FREM1: variants seen among roughly 807,000 people sequenced by gnomAD.
FREM1 encodes FRAS1 related extracellular matrix 1.
In FREM1, 220 loss-of-function variants were observed where a neutral mutation model predicts 210.1. That is an observed-to-expected ratio of 1.05 (90% CI 0.94 to 1.17). The LOEUF (loss-of-function observed/expected upper bound fraction) is 1.17, where lower values mean the gene tolerates loss of function less well. Ranked by LOEUF, FREM1 falls within the 50% of genes most tolerant of loss-of-function variation. The probability of loss-of-function intolerance (pLI) is 0.00; values close to 1 mark genes in which losing one functional copy is unlikely to be tolerated. For synonymous variants in FREM1, 1,189 were observed against 980.2 expected (o/e 1.21, Z -3.98); for missense variants, 3,454 against 2,675.5 (o/e 1.29, Z -6.42).
At chr9:14,788,876 T>G (rs1191356359) in intron 23 of FREM1, 43 bp downstream of exon 23, 3 of 1,509,354 alleles carry the variant, frequency 2.0e-6, no homozygotes, top group Non-Finnish European at 1.8e-6. Context: ...TTATACCAGT[T>G]AGCAAAGTTG....
At chr9:14,776,494 T>C (rs187887032) in intron 24 of FREM1, among the ~76,000 whole-genome samples, 2 of 152,346 alleles carry the variant, frequency 1.3e-5, no homozygotes, top group African/African-American at 4.8e-5. Context: ...CATCAGTGCT[T>C]AATGTGGTTC....
intron 27 of FREM1, among the ~76,000 whole-genome samples, chr9:14,764,400 A>C (rs1846032408): frequency 6.6e-6 from 1 of 152,200 alleles, no homozygotes; most frequent in Non-Finnish European, 1.5e-5. Flanking sequence ...AAAAATTGCT[A>C]GGCTAGATGA....
intron 20 of FREM1, among the ~76,000 whole-genome samples, chr9:14,799,177 T>C (rs1853044009): frequency 6.6e-6 from 1 of 151,784 alleles, no homozygotes; most frequent in South Asian, 2.1e-4. Context: ...TCCCAGCTAG[T>C]TGGGAGGCTG....
chr9:14,886,340 C>G (rs1448323486), intron 1 of FREM1, among the ~76,000 whole-genome samples: 1 of 120,366 alleles, frequency 8.3e-6, no homozygotes, highest in Non-Finnish European at 1.6e-5. Context: ...AAGCCGAGAT[C>G]GTGCCACTGC....
Position 14,759,502 on chromosome 9 carries a change from C to G in FREM1, c.5334+270G>C, listed in dbSNP as rs190836586. Among the ~76,000 whole-genome samples, 87 of 7,660 alleles carry G rather than the reference C, an allele frequency of 0.011. 1 individual carries two copies. The East Asian group carries it at 0.27, about 24-fold the overall frequency. The allele number at this position is 7,660 out of a possible 152,430, so 5.0% of individuals were successfully genotyped here. ...TCCAGCCTGGGCGACAAGAGCGAGA[C>G]TTTGTCTCAAAATAACAATAATAAT... On this transcript the variant is annotated intron_variant, in intron 28 of 36. Transcript: ENST00000380880.
Position 14,851,444 on chromosome 9 carries a change from A to G in FREM1, c.992T>C (p.Leu331Ser), listed in dbSNP as rs1388510701. 6.2e-7 allele frequency: 1 copy of G among 1,613,848 alleles called. No individual in the cohort carries two copies. Among genetic ancestry groups the G allele is most frequent in the Admixed American group, 1.7e-5 (1 of 60,004 alleles). The change falls in exon 6 of 37, where the codon TTG (leucine) becomes TCG (serine). Residue 331 changes from leucine (L) to serine (S), a missense_variant. Coordinates refer to ENST00000380880, the MANE Select transcript of FREM1 (RefSeq NM_001379081.2). Reference sequence around the variant, plus strand: ...GGCTTTAGTAATGTTGAACACCAGCAAGGGTTTAGGGGTCTCATCTTCTTC... The same window carrying G: ...GGCTTTAGTAATGTTGAACACCAGCGAGGGTTTAGGGGTCTCATCTTCTTC... ...DCEEDETPKP[L>S]LVFNITKAPL...
In FREM1 at chr9:14,750,137, G is replaced by C. The variant is rs768076810; in HGVS notation, c.5547C>G (p.Asp1849Glu). Residue 1849 changes from aspartate (D) to glutamate (E), a missense_variant, in exon 30 of 37, where the codon GAC (aspartate) becomes GAG (glutamate). By Grantham distance (45) the Asp-to-Glu change is conservative (BLOSUM62 2). Coordinates refer to ENST00000380880, the MANE Select transcript of FREM1 (RefSeq NM_001379081.2). ...TKTKAAVKIL[D>E]SKGGQCHPSY... ...GGATCAAAAGAATACCTCCTTTTGA[G>C]TCCAAAATTTTCACTGCAGCTTTTG... is the stretch of plus-strand genomic sequence containing the variant. 1 of 1,613,620 alleles carries C rather than the reference G, an allele frequency of 6.2e-7. No individual in the cohort carries two copies. Among genetic ancestry groups the C allele is most frequent in the African/African-American group, 1.3e-5 (1 of 74,914 alleles).
rs1356648779 is a variant in FREM1, at chr9:14,861,258, T to TAC, written c.330-1776_330-1775dup. Among the ~76,000 whole-genome samples the TAC allele has an allele frequency of 9.6e-5, 6 of 62,688 alleles. 2 individuals carry two copies. Among genetic ancestry groups the TAC allele is most frequent in the African/African-American group, 6.6e-4 (5 of 7,622 alleles). The allele number at this position is 62,688 out of a possible 152,430, so 41.1% of individuals were successfully genotyped here. A position where few individuals can be genotyped will look rare whatever the true frequency, so the allele number is the denominator to read the frequency against. On this transcript the variant is annotated intron_variant, in intron 3 of 36. Transcript: ENST00000380880. ...ATATATACACACATATATACATATA[T>TAC]ACACATATACACATATATACATATA...
At position 14,842,320 on chromosome 9, in the gene FREM1, C is replaced by T. The variant is rs1486697790; in HGVS notation, c.1734G>A (p.Leu578=). 1 of 1,552,228 alleles carries T rather than the reference C, an allele frequency of 6.4e-7. No individual in the cohort carries two copies. Among genetic ancestry groups the T allele is most frequent in the East Asian group, 2.3e-5 (1 of 44,358 alleles). The change falls in exon 9 of 37, where the codon CTG becomes CTA. Residue 578 remains leucine (L), a synonymous_variant. Transcript: ENST00000380880. The stretch of plus-strand genomic sequence containing the variant: ...TCTTAACTGCCCAGAACTTACCTAT[C>T]AGTCCTGGCCCTGGCTTCTTCATGA... ...GEIMKKPGPG[L]IGYPVHGFLQ...
intron 20 of FREM1, among the ~76,000 whole-genome samples, chr9:14,798,997 G>C (rs550804023): frequency 2.6e-5 from 4 of 151,912 alleles, no homozygotes; most frequent in African/African-American, 7.2e-5. Flanking sequence ...AGTAAGAAGA[G>C]GCCAGTTATG....
At chr9:14,860,864 C>CAT (rs769075680) in intron 3 of FREM1, among the ~76,000 whole-genome samples, 1 of 49,854 alleles carries the variant, frequency 2.0e-5, no homozygotes, top group African/African-American at 1.9e-4. Flanking sequence ...TATATATACA[C>CAT]ATATATATAC....
At position 14,819,275 on chromosome 9, in the gene FREM1, C is replaced by T. The variant is rs1168441847; in HGVS notation, c.2505G>A (p.Gly835=). ...GGAGATCGCCCCAAGAAAATGTGCC[C>T]CCTGAATTTAGAGGAAATCCATTCA... ...VELNGFPLNS[G]GTFSWGDLHT... Residue 835 remains glycine, a synonymous_variant, in exon 14 of 37, where the codon GGG becomes GGA. Transcript: ENST00000380880. 6.2e-7 allele frequency: 1 copy of T among 1,613,640 alleles called. No individual in the cohort carries two copies. Among genetic ancestry groups the T allele is most frequent in the African/African-American group, 1.3e-5 (1 of 75,036 alleles).
chr9:14,745,087 G>A (rs1842178846), intron 35 of FREM1, among the ~76,000 whole-genome samples: 1 of 152,042 alleles, frequency 6.6e-6, no homozygotes, highest in Non-Finnish European at 1.5e-5. Context: ...CACATAGAGG[G>A]GAACAACGCA....
At chr9:14,791,620 T>C (rs1403049955) in intron 22 of FREM1, among the ~76,000 whole-genome samples, 2 of 152,204 alleles carry the variant, frequency 1.3e-5, no homozygotes, top group African/African-American at 4.8e-5. Context: ...ATGAAGACAC[T>C]GAACTTTCGT....
Position 14,746,469 on chromosome 9 carries a change from C to G in FREM1, c.6139-1G>C. ...CTGGACAGGATTTGTCTTCCACATC[C>G]TGAAAAACAGTTGTCTGTGTTCATA... On this transcript the variant is annotated splice_acceptor_variant, in intron 34 of 36. Transcript: ENST00000380880. LOFTEE classifies it high-confidence loss of function. 6.2e-7 allele frequency: 1 copy of G among 1,609,506 alleles called. No homozygotes were observed. Among genetic ancestry groups the G allele is most frequent in the Non-Finnish European group, 8.5e-7 (1 of 1,175,924 alleles).
chr9:14,771,624 T>A lies in FREM1; in HGVS notation c.4858-818A>T, dbSNP rs552661399. Among the ~76,000 whole-genome samples the A allele has an allele frequency of 4.1e-4, 63 of 152,272 alleles. No individual in the cohort carries two copies. In the South Asian group the frequency reaches 0.013, roughly 31 times the overall value. ...ATTAGAACAGATCCACCACTGATAC[T>A]AGAAAACATGTACAAGAATCTTCAT... On this transcript the variant is annotated intron_variant, in intron 25 of 36. Coordinates refer to ENST00000380880, the MANE Select transcript of FREM1 (RefSeq NM_001379081.2).
intron 24 of FREM1, among the ~76,000 whole-genome samples, chr9:14,776,887 T>C (rs770483812): frequency 2.6e-5 from 4 of 152,232 alleles, no homozygotes; most frequent in Non-Finnish European, 5.9e-5. Flanking sequence ...TCTTATGGTT[T>C]ACATGTGCTT....
chr9:14,857,832 T>C, intron 4 of FREM1, 83 bp from the exon 5 acceptor site: 2 of 945,996 alleles, frequency 2.1e-6, no homozygotes, highest in Admixed American at 5.5e-5. Context: ...GTCCCATGAA[T>C]ACTTATTCCC....
At chr9:14,883,761 T>C (rs762007096) in intron 1 of FREM1, among the ~76,000 whole-genome samples, 1 of 152,230 alleles carries the variant, frequency 6.6e-6, no homozygotes, top group Non-Finnish European at 1.5e-5. Context: ...TTGAGAATTT[T>C]ATTTTCTTAG....
Sources: gnomAD v4.1 joint callset for allele counts (sites outside exome capture counted in the v4.1 genomes callset) on GRCh38, gnomAD v4.1.1 for gene constraint, MANE v1.5 for transcripts, NCBI Gene and HGNC (gene_info 2026-07-23, HGNC 2026-07-21) for gene names.